The following GCN1 variants were observed in gnomAD, a reference collection of about 807,000 sequenced individuals.
GCN1 encodes GCN1 activator of EIF2AK4.
A neutral mutation model predicts 288.4 loss-of-function variants in GCN1; 90 were observed. The observed-to-expected ratio is 0.31, with a 90% CI of 0.26 to 0.37. The LOEUF is 0.37. Ranked by LOEUF, GCN1 falls within the 10% of genes least tolerant of loss-of-function variation. GCN1 has a pLI of 1.00. For synonymous variants in GCN1, 1,386 were observed against 1,420.2 expected (o/e 0.98, Z 0.54); for missense variants, 2,586 against 3,419.9 (o/e 0.76, Z 6.08).
At chr12:120,191,031 A>G (rs1878987284) in intron 1 of GCN1, among the ~76,000 whole-genome samples, 1 of 152,194 alleles carries the variant, frequency 6.6e-6, no homozygotes, top group Non-Finnish European at 1.5e-5. Context: ...TAAGATGCGG[A>G]CAATAGCAGC....
Position 120,153,892 on chromosome 12 carries a change from G to A in GCN1, c.3719C>T (p.Ala1240Val). 1 of 1,613,822 alleles carries A rather than the reference G, an allele frequency of 6.2e-7. No homozygotes were observed. The highest frequency in any genetic ancestry group is 1.7e-4 in the Middle Eastern group (1 of 6,054). ...CAAATACTGGGAGAGCTTGTTGAGG[G>A]CCAACGCCAAGCCACACCTGGGAAA... ...QWEARCGLAL[A>V]LNKLSQYLDS... is the part of the protein sequence containing the mutation. Residue 1240 changes from alanine (A) to valine (V), a missense_variant, in exon 32 of 58, where the codon GCC (alanine) becomes GTC (valine). Coordinates refer to ENST00000300648, the MANE Select transcript of GCN1 (RefSeq NM_006836.2). This position sits in a 1 kb window ranked among gnomAD's most constrained non-coding sequence, Gnocchi z 4.4.
At chr12:120,162,808 T>G in intron 20 of GCN1, 39 bp downstream of exon 20, 1 of 1,607,986 alleles carries the variant, frequency 6.2e-7, no homozygotes, top group East Asian at 2.2e-5. Flanking sequence ...GAGGGCCCCC[T>G]CCCGGACCTG....
At chr12:120,191,830 G>T (rs1488254647) in intron 1 of GCN1, among the ~76,000 whole-genome samples, 3 of 152,094 alleles carry the variant, frequency 2.0e-5, no homozygotes, top group Non-Finnish European at 4.4e-5. Context: ...TGGATATTTG[G>T]GTAGTTACCT....
rs142900939 is a variant in GCN1, at chr12:120,155,560, A to G, written c.3440+32T>C. 8.0e-4 allele frequency: 1,283 copies of G among 1,613,434 alleles called. 1 individual carries two copies. The highest frequency in any genetic ancestry group is 1.6e-3 in the Admixed American group (96 of 60,022). On this transcript the variant is annotated intron_variant, in intron 29 of 57. Transcript: ENST00000300648. The surrounding 1 kb of genome is among the most constrained non-coding windows in gnomAD (Gnocchi z 4.9). ...TATTTCCTAAAGGAAGAGAGGATGC[A>G]GCAGGAGAAAGCGACATGCTGGCTC...
In GCN1 at chr12:120,194,689, C is replaced by A. The variant is rs1253873317; in HGVS notation, c.9G>T (p.Ala3=). 1 of 1,512,736 alleles carries A rather than the reference C, an allele frequency of 6.6e-7. No individual in the cohort carries two copies. The highest frequency in any genetic ancestry group is 1.2e-5 in the South Asian group (1 of 81,892). The allele number at this position is 1,512,736 out of a possible 1,614,324, so 93.7% of individuals were successfully genotyped here. A position where few individuals can be genotyped will look rare whatever the true frequency, so the allele number is the denominator to read the frequency against. Residue 3 remains alanine (A), a synonymous_variant, in exon 1 of 58, where the codon GCG becomes GCT. Transcript: ENST00000300648. The part of the protein sequence containing the change: MA[A]DTQVSETLKR... ...CAGCCGCCCGCCTCACCTGCGTGTC[C>A]GCCGCCATCCTGCCGGGGCTGACTC...
chr12:120,157,366 ACT>A (rs1200780112), intron 26 of GCN1, among the ~76,000 whole-genome samples: 3 of 152,198 alleles, frequency 2.0e-5, no homozygotes, highest in African/African-American at 7.2e-5. Flanking sequence ...AGAAAAGAAA[ACT>A]CTTGGTGAGA....
chr12:120,153,670 G>T lies in GCN1; in HGVS notation c.3867+74C>A. 1 of 1,428,922 alleles carries T rather than the reference G, an allele frequency of 7.0e-7. No individual in the cohort carries two copies. The highest frequency in any genetic ancestry group is 9.7e-7 in the Non-Finnish European group (1 of 1,027,598). The allele number at this position is 1,428,922 out of a possible 1,614,324, so 88.5% of individuals were successfully genotyped here. On this transcript the variant is annotated intron_variant, in intron 32 of 57. Coordinates refer to ENST00000300648, the MANE Select transcript of GCN1 (RefSeq NM_006836.2). The surrounding 1 kb of genome is among the most constrained non-coding windows in gnomAD (Gnocchi z 4.4). The stretch of plus-strand genomic sequence containing the variant: ...TGGCCCCTGCTCAGCCCTAGCGCCT[G>T]CCTCCCGTGTCTCCTTAGCGGGCTG...
chr12:120,152,385 A>ACG (rs575257614), intron 33 of GCN1, among the ~76,000 whole-genome samples: 3,695 of 121,158 alleles, frequency 0.03, 95 homozygotes, highest in East Asian at 0.12. Flanking sequence ...CCACACACAC[A>ACG]CGCGCACACA....
intron 1 of GCN1, among the ~76,000 whole-genome samples, chr12:120,191,139 T>C (rs1878992638): frequency 6.6e-6 from 1 of 152,206 alleles, no homozygotes; most frequent in African/African-American, 2.4e-5. Context: ...CCAAAAAGCC[T>C]GCAAGGGAGG....
At chr12:120,163,331 T>C in intron 18 of GCN1, 72 bp from the exon 19 acceptor site, 1 of 1,246,860 alleles carries the variant, frequency 8.0e-7, no homozygotes, top group East Asian at 2.3e-5. Flanking sequence ...CCAAATATGC[T>C]ACGGACACAG....
At chr12:120,191,644 G>A (rs1879007810) in intron 1 of GCN1, among the ~76,000 whole-genome samples, 1 of 152,172 alleles carries the variant, frequency 6.6e-6, no homozygotes, top group Admixed American at 6.5e-5. Context: ...ATGAATAAAA[G>A]AAACTGATGT....
rs865934446 is a variant in GCN1 at position 120,144,817 on chromosome 12, G to A, written c.5174C>T (p.Ala1725Val). The A allele has an allele frequency of 1.2e-6, 2 of 1,613,992 alleles. No homozygotes were observed. The highest frequency in any genetic ancestry group is 3.3e-5 in the Admixed American group (2 of 59,998). Reference sequence around the variant, plus strand: ...CTCCAACTTCTCCACCCCCAAACCGGCCATGACCTCAGCCAACCCTGCAAC... The same window carrying A: ...CTCCAACTTCTCCACCCCCAAACCGACCATGACCTCAGCCAACCCTGCAAC... ...GAAQGLAEVM[A>V]GLGVEKLEKL... The change falls in exon 41 of 58, where the codon GCC (alanine) becomes GTC (valine). Residue 1725 changes from alanine to valine, a missense_variant. Ala to Val is a moderately conservative substitution (Grantham distance 64, BLOSUM62 0). This residue lies in a region of GCN1 where 371 missense variants were observed against 572.6 expected (regional missense o/e 0.65). Coordinates refer to ENST00000300648, the MANE Select transcript of GCN1 (RefSeq NM_006836.2). The surrounding 1 kb of genome is among the most constrained non-coding windows in gnomAD (Gnocchi z 4.7).
At chr12:120,167,368 A>T (rs980262623) in intron 16 of GCN1, among the ~76,000 whole-genome samples, 6 of 151,962 alleles carry the variant, frequency 3.9e-5, no homozygotes, top group African/African-American at 1.2e-4. Flanking sequence ...AAAAAAAAAA[A>T]AAAAGAATGA....
rs779418862 is a variant in GCN1, at chr12:120,129,426, G to T, written c.7740C>A (p.Asp2580Glu). Reference protein sequence around the residue: ...AEKMIWWANKDPLPPLDPQAI... With the variant: ...AEKMIWWANKEPLPPLDPQAI... ...CCTGGGGGTCCAGGGGAGGCAGTGG[G>T]TCCTTATTTGCCCACCAGATCATCT... Residue 2580 changes from aspartate to glutamate, a missense_variant, in exon 57 of 58, where the codon GAC becomes GAA. Physicochemically the swap from Asp to Glu is conservative, Grantham distance 45. Transcript: ENST00000300648. 13 of 1,613,796 alleles carry T rather than the reference G, an allele frequency of 8.1e-6. No homozygotes were observed. Among genetic ancestry groups the T allele is most frequent in the Non-Finnish European group, 1.1e-5 (13 of 1,179,816 alleles).
In GCN1 at chr12:120,136,740, G is replaced by A. The variant is rs200087555; in HGVS notation, c.6778-8C>T. ...AAGGATGGAGGTCACTCCCTGACAAGAGAACCACAACTGAGAGTCAAATCT... is the reference window on the plus strand; with the variant it reads ...AAGGATGGAGGTCACTCCCTGACAAAAGAACCACAACTGAGAGTCAAATCT... On this transcript the variant is annotated splice_polypyrimidine_tract_variant and splice_region_variant and intron_variant, in intron 50 of 57. Coordinates refer to ENST00000300648, the MANE Select transcript of GCN1 (RefSeq NM_006836.2). 1.3e-4 allele frequency: 208 copies of A among 1,605,758 alleles called. No individual in the cohort carries two copies. The highest frequency in any genetic ancestry group is 3.3e-4 in the Middle Eastern group (2 of 6,050).
At chr12:120,152,556 C>T (rs1432554304) in intron 33 of GCN1, among the ~76,000 whole-genome samples, 5 of 126,574 alleles carry the variant, frequency 4.0e-5, no homozygotes, top group African/African-American at 1.6e-4. Context: ...GGATTATAGG[C>T]ATGAGCCACC....
intron 38 of GCN1, among the ~76,000 whole-genome samples, chr12:120,145,607 T>A (rs902234926): frequency 2.3e-4 from 35 of 152,352 alleles, no homozygotes; most frequent in Admixed American, 1.9e-3. Context: ...CCTCCCACCC[T>A]TCTCTTAGGA....
chr12:120,160,416 G>T (rs1424220498), intron 22 of GCN1, 161 bp from the exon 23 acceptor site: 6 of 605,342 alleles, frequency 9.9e-6, no homozygotes, highest in Non-Finnish European at 1.8e-5. Flanking sequence ...CTCCCACAAA[G>T]TCCACAGCCA....
Position 120,155,086 on chromosome 12 carries a change from G to T in GCN1, c.3631-46C>A. 3 of 1,562,676 alleles carry T rather than the reference G, an allele frequency of 1.9e-6. No individual in the cohort carries two copies. Among genetic ancestry groups the T allele is most frequent in the South Asian group, 1.1e-5 (1 of 90,044 alleles). ...AATGCTTTGCAACGGGCAGATCAAT[G>T]ACCTGGGCACCAGGATTGTGAGGCA... is the stretch of plus-strand genomic sequence containing the variant. On this transcript the variant is annotated intron_variant, in intron 30 of 57. Coordinates refer to ENST00000300648, the MANE Select transcript of GCN1 (RefSeq NM_006836.2). The surrounding 1 kb of genome is among the most constrained non-coding windows in gnomAD (Gnocchi z 4.9).
Sources: gnomAD v4.1 joint callset for allele counts (sites outside exome capture counted in the v4.1 genomes callset) on GRCh38, gnomAD v4.1.1 for gene constraint, gnomAD v4.1.1 regional missense constraint, Gnocchi (gnomAD v3.1) non-coding constraint, MANE v1.5 for transcripts, NCBI Gene and HGNC (gene_info 2026-07-23, HGNC 2026-07-21) for gene names.